Variants in DLGAP4 observed in about 807,000 individuals in gnomAD.
DLGAP4 encodes the protein disks large-associated protein 4.
Under a neutral mutation model 86.9 loss-of-function variants are expected in DLGAP4, and 18 were observed. That is an observed-to-expected ratio of 0.21 (90% CI 0.14 to 0.31). DLGAP4 has a LOEUF of 0.31. Ranked by LOEUF, DLGAP4 falls within the 10% of genes least tolerant of loss-of-function variation. The probability of loss-of-function intolerance (pLI) is 1.00; values close to 1 mark genes in which losing one functional copy is unlikely to be tolerated. For missense variants in DLGAP4, 1,085 were observed against 1,362.6 expected (o/e 0.80, Z 3.21); for synonymous variants, 548 against 574.3 (o/e 0.95, Z 0.65).
At position 36,482,919 on chromosome 20, in the gene DLGAP4, G is replaced by A. The variant is rs184944116; in HGVS notation, c.1649-13786G>A. Among the ~76,000 whole-genome samples, 24 of 152,114 alleles carry A rather than the reference G, an allele frequency of 1.6e-4. No individual in the cohort carries two copies. The East Asian group carries it at 4.6e-3, about 29-fold the overall frequency. ...ACTCCTGACCTCAAGTGATCCCCCT[G>A]CCTCAGCCTCCCAAATCGCTGAGAT... On this transcript the variant is annotated intron_variant, in intron 7 of 12. Transcript: ENST00000339266.
At chr20:36,451,695 T>C (rs569361806) in intron 7 of DLGAP4, among the ~76,000 whole-genome samples, 6 of 152,118 alleles carry the variant, frequency 3.9e-5, no homozygotes, top group African/African-American at 1.4e-4. Flanking sequence ...AACCACACTT[T>C]GATTTGATCC....
chr20:36,336,727 A>C (rs1359428018), intron 1 of DLGAP4, among the ~76,000 whole-genome samples: 2 of 152,124 alleles, frequency 1.3e-5, no homozygotes, highest in African/African-American at 4.8e-5. Flanking sequence ...AGCCCCCATC[A>C]GCTGCTCCCC....
At chr20:36,452,468 C>T (rs956858356) in intron 7 of DLGAP4, among the ~76,000 whole-genome samples, 7 of 152,012 alleles carry the variant, frequency 4.6e-5, no homozygotes, top group East Asian at 1.9e-4. Flanking sequence ...GTGTGAGCCA[C>T]GGCACTTGGC....
chr20:36,494,984 GTTTTTTTTTTT>G (rs752411826), intron 7 of DLGAP4, among the ~76,000 whole-genome samples: 1 of 75,390 alleles, frequency 1.3e-5, no homozygotes, highest in South Asian at 5.3e-4. Context: ...TTTTTGTTCG[GTTTTTTTTTTT>G]TTTTTTTTTT....
chr20:36,516,184 T>A (rs1374357467), intron 10 of DLGAP4, among the ~76,000 whole-genome samples: 1 of 152,240 alleles, frequency 6.6e-6, no homozygotes, highest in Admixed American at 6.5e-5. Flanking sequence ...CCAGGCTATG[T>A]GCCCAGTTAA....
chr20:36,344,014 T>C (rs1250969809), intron 1 of DLGAP4, among the ~76,000 whole-genome samples: 1 of 152,190 alleles, frequency 6.6e-6, no homozygotes, highest in African/African-American at 2.4e-5. Flanking sequence ...GCTGTTCACC[T>C]TGCCAGGGGA....
At chr20:36,464,201 C>A (rs1246758919) in intron 7 of DLGAP4, among the ~76,000 whole-genome samples, 1 of 152,160 alleles carries the variant, frequency 6.6e-6, no homozygotes, top group African/African-American at 2.4e-5. Flanking sequence ...CTTTGGGCTT[C>A]AGCTTCCTAA....
chr20:36,406,232 A>G (rs946953554), intron 2 of DLGAP4, among the ~76,000 whole-genome samples: 17 of 152,054 alleles, frequency 1.1e-4, no homozygotes, highest in African/African-American at 4.1e-4. Flanking sequence ...CCCTGTCTCT[A>G]CTAAAAATAC....
chr20:36,318,106 T>TCACACACACACACA (rs1156543199), intron 1 of DLGAP4, among the ~76,000 whole-genome samples: 40 of 139,226 alleles, frequency 2.9e-4, no homozygotes, highest in African/African-American at 9.7e-4. Flanking sequence ...ATGTGTCCTC[T>TCACACACACACACA]CACACACACA....
chr20:36,487,394 A>G (rs2035463955), intron 7 of DLGAP4, among the ~76,000 whole-genome samples: 1 of 152,200 alleles, frequency 6.6e-6, no homozygotes, highest in African/African-American at 2.4e-5. Flanking sequence ...GAGGGACTTC[A>G]TGAGAAATGG....
intron 10 of DLGAP4, among the ~76,000 whole-genome samples, chr20:36,502,831 C>T (rs1396544741): frequency 1.3e-5 from 2 of 151,888 alleles, no homozygotes; most frequent in Non-Finnish European, 2.9e-5. Context: ...TCAAGTGATT[C>T]TCCTGCCTCA....
intron 7 of DLGAP4, among the ~76,000 whole-genome samples, chr20:36,476,705 G>GTTTTTTTTTTTTTTTT (rs35699904): frequency 1.2e-5 from 1 of 85,340 alleles, no homozygotes; most frequent in Non-Finnish European, 2.4e-5. Context: ...TTTTTTTTTG[G>GTTTTTTTTTTTTTTTT]TTTTTTTTTT....
chr20:36,397,533 G>T lies in DLGAP4; in HGVS notation c.-73+30258G>T, dbSNP rs78651559. The stretch of plus-strand genomic sequence containing the variant: ...TGTTTCTTTTCTAACTTTTGGAGTT[G>T]TTTATCATATTGCTTTTCAGTTTGT... On this transcript the variant is annotated intron_variant, in intron 2 of 12. Transcript: ENST00000339266. Among the ~76,000 whole-genome samples, 957 of 151,156 alleles carry T rather than the reference G, an allele frequency of 6.3e-3. 11 individuals are homozygous for T. Among genetic ancestry groups the T allele is most frequent in the African/African-American group, 0.022 (911 of 41,440 alleles).
intron 2 of DLGAP4, among the ~76,000 whole-genome samples, chr20:36,392,657 C>T (rs6031051): frequency 0.052 from 7,967 of 152,250 alleles, 667 homozygotes; most frequent in African/African-American, 0.18. Flanking sequence ...TGTGAGCCAC[C>T]GCGCCCAGCC....
intron 1 of DLGAP4, among the ~76,000 whole-genome samples, chr20:36,337,680 G>A (rs1007088020): frequency 1.3e-5 from 2 of 152,172 alleles, no homozygotes; most frequent in Admixed American, 6.5e-5. Flanking sequence ...TGGGAAGCGG[G>A]TGCTTCCCCC....
At chr20:36,396,438 CCACACACACACATCACATG>C (rs1356186292) in intron 2 of DLGAP4, among the ~76,000 whole-genome samples, 10 of 62,116 alleles carry the variant, frequency 1.6e-4, no homozygotes, top group African/African-American at 4.8e-4. Flanking sequence ...ATACACACAC[CCACACACACACATCACATG>C]CACACACACA....
At chr20:36,476,813 T>C (rs950244269) in intron 7 of DLGAP4, among the ~76,000 whole-genome samples, 3 of 137,892 alleles carry the variant, frequency 2.2e-5, no homozygotes, top group African/African-American at 8.1e-5. Context: ...GTTCAAGCAA[T>C]CTCCCAAGTA....
intron 7 of DLGAP4, among the ~76,000 whole-genome samples, chr20:36,482,833 G>C (rs1241083724): frequency 1.3e-5 from 2 of 151,988 alleles, no homozygotes; most frequent in Admixed American, 1.3e-4. Context: ...TACCATGCCC[G>C]GCTAATTTTT....
At chr20:36,380,443 C>T (rs894627524) in intron 2 of DLGAP4, among the ~76,000 whole-genome samples, 1 of 151,922 alleles carries the variant, frequency 6.6e-6, no homozygotes, top group African/African-American at 2.4e-5. Flanking sequence ...TAATAATTAG[C>T]CAGGCATGGT....
Sources: allele counts gnomAD v4.1 joint callset (sites outside exome capture counted in the v4.1 genomes callset), GRCh38; gene constraint gnomAD v4.1.1; transcripts MANE v1.5; gene names NCBI Gene and HGNC (gene_info 2026-07-23, HGNC 2026-07-21).